The following EYS variants were observed in gnomAD, a reference collection of about 807,000 sequenced individuals.
EYS encodes the protein protein eyes shut homolog.
A neutral mutation model predicts 282.1 loss-of-function variants in EYS; 250 were observed. The ratio of observed to expected loss-of-function variants is 0.89; its 90% CI spans 0.80 to 0.98. The LOEUF (loss-of-function observed/expected upper bound fraction) is 0.98, where lower values mean the gene tolerates loss of function less well. Ranked by LOEUF, EYS falls within the 50% of genes least tolerant of loss-of-function variation. The pLI, the probability that EYS is intolerant of heterozygous loss-of-function variation, is 0.00. For synonymous variants in EYS, 1,355 were observed against 1,282.9 expected (o/e 1.06, Z -1.20); for missense variants, 4,016 against 3,709.0 (o/e 1.08, Z -2.15).
chr6:63,844,902 G>T (rs879268844), intron 36 of EYS, among the ~76,000 whole-genome samples: 36 of 152,028 alleles, frequency 2.4e-4, no homozygotes, highest in Non-Finnish European at 4.7e-4. Context: ...TGTTGCAATT[G>T]CTTTTGATGT....
chr6:65,456,192 C>A (rs1034593381), intron 5 of EYS, among the ~76,000 whole-genome samples: 1 of 152,066 alleles, frequency 6.6e-6, no homozygotes, highest in African/African-American at 2.4e-5. Context: ...GTAGCTCACA[C>A]CCGTAACCCT....
intron 31 of EYS, among the ~76,000 whole-genome samples, chr6:64,222,757 G>GA (rs913085965): frequency 2.3e-4 from 35 of 151,892 alleles, no homozygotes; most frequent in African/African-American, 7.0e-4. Flanking sequence ...TGCAGTATCA[G>GA]AAAAAATAGC....
At chr6:65,465,436 C>T (rs1448208637) in intron 5 of EYS, among the ~76,000 whole-genome samples, 2 of 151,878 alleles carry the variant, frequency 1.3e-5, no homozygotes, top group Non-Finnish European at 2.9e-5. Context: ...ACGATTGTGC[C>T]GCTGTATTCC....
At chr6:64,550,309 C>G (rs984385903) in intron 26 of EYS, among the ~76,000 whole-genome samples, 1 of 152,142 alleles carries the variant, frequency 6.6e-6, no homozygotes, top group Non-Finnish European at 1.5e-5. Flanking sequence ...GAGGAATCGC[C>G]ACTCTGACTT....
chr6:64,718,030 C>G (rs1441138930), intron 22 of EYS, among the ~76,000 whole-genome samples: 1 of 152,188 alleles, frequency 6.6e-6, no homozygotes, highest in Non-Finnish European at 1.5e-5. Flanking sequence ...CTGCTCTGAG[C>G]TGTTCTGCCT....
At chr6:64,600,991 G>A (rs1402703091) in intron 24 of EYS, among the ~76,000 whole-genome samples, 3 of 151,960 alleles carry the variant, frequency 2.0e-5, no homozygotes, top group Admixed American at 6.6e-5. Flanking sequence ...TAAATACAAA[G>A]CACAGTTTTT....
intron 7 of EYS, among the ~76,000 whole-genome samples, chr6:65,388,167 A>G (rs1353509726): frequency 6.6e-6 from 1 of 152,008 alleles, no homozygotes; most frequent in African/African-American, 2.4e-5. Flanking sequence ...TTCAGATGTA[A>G]AAGTGATTTA....
chr6:65,665,369 T>G (rs370061500), intron 1 of EYS, among the ~76,000 whole-genome samples: 1 of 152,128 alleles, frequency 6.6e-6, no homozygotes, highest in African/African-American at 2.4e-5. Context: ...GCTAAAGGCC[T>G]GAGTTTCAAT....
rs971398517 is a variant in EYS, at chr6:64,562,347, A to G, written c.5644+27876T>C. On this transcript the variant is annotated intron_variant, in intron 26 of 42. Coordinates refer to ENST00000503581, the MANE Select transcript of EYS (RefSeq NM_001142800.2). ...ATTTTGTTCAATCTACTTAGTAAAA[A>G]TGTTCATATCTTTAATTCAGTGGAA... Among the ~76,000 whole-genome samples the G allele has an allele frequency of 2.0e-5, 3 of 151,948 alleles. No individual in the cohort carries two copies. In the East Asian group the frequency reaches 5.8e-4, roughly 29 times the overall value.
At chr6:65,691,905 T>C (rs1421924919) in intron 1 of EYS, among the ~76,000 whole-genome samples, 1 of 150,240 alleles carries the variant, frequency 6.7e-6, no homozygotes, top group African/African-American at 2.4e-5. Flanking sequence ...TGTGTGGTGT[T>C]TCTGAGGCCT....
At chr6:65,136,547 A>G (rs1776026668) in intron 12 of EYS, among the ~76,000 whole-genome samples, 1 of 152,118 alleles carries the variant, frequency 6.6e-6, no homozygotes, top group Admixed American at 6.6e-5. Context: ...TAGGTGATAG[A>G]CTATTTACTA....
rs1203358924 is a variant in EYS, at chr6:63,721,485, C to T, written c.8546G>A (p.Arg2849Gln). 16 of 1,551,300 alleles carry T rather than the reference C, an allele frequency of 1.0e-5. No individual in the cohort carries two copies. Among genetic ancestry groups the T allele is most frequent in the Admixed American group, 5.9e-5 (3 of 50,944 alleles). ...TTCTTGATTATTTATGATAACTTGT[C>T]GGATACAGCCTTGAAAACCTACAGG... ...NEPVGFQGCI[R>Q]QVIINNQELQ... The change falls in exon 43 of 43, where the codon CGA becomes CAA. Residue 2849 changes from arginine (R) to glutamine (Q), a missense_variant. Transcript: ENST00000503581.
intron 2 of EYS, among the ~76,000 whole-genome samples, chr6:65,517,336 AAC>A (rs199525202): frequency 0.055 from 5,020 of 92,080 alleles, 214 homozygotes; most frequent in East Asian, 0.19. Context: ...TTTTCAAAAC[AAC>A]AACAAAAAAA....
At chr6:64,108,239 T>G (rs942809124) in intron 31 of EYS, among the ~76,000 whole-genome samples, 5 of 152,108 alleles carry the variant, frequency 3.3e-5, no homozygotes, top group African/African-American at 1.2e-4. Context: ...ACACCCAGCT[T>G]CCAGCAACTT....
chr6:65,258,565 C>T (rs180814788), intron 12 of EYS, among the ~76,000 whole-genome samples: 22 of 152,090 alleles, frequency 1.4e-4, no homozygotes, highest in Non-Finnish European at 1.8e-4. Context: ...GCTATGTAAT[C>T]CAACCAACAA....
intron 33 of EYS, among the ~76,000 whole-genome samples, chr6:64,037,406 A>G (rs1407549571): frequency 2.0e-5 from 3 of 152,226 alleles, no homozygotes; most frequent in Non-Finnish European, 4.4e-5. Context: ...TTTCATGAAT[A>G]TTAATAGAAA....
rs1765136824 is a variant in EYS, at chr6:65,371,485, G to T, written c.1299+12901C>A. On this transcript the variant is annotated intron_variant, in intron 8 of 42. Transcript: ENST00000503581. ...ACCTACACAGAATGAAGAAACTGATGAATAATAAATGTGGGTGAAAATTTG... is the reference window on the plus strand; with the variant it reads ...ACCTACACAGAATGAAGAAACTGATTAATAATAAATGTGGGTGAAAATTTG... Among the ~76,000 whole-genome samples the T allele has an allele frequency of 2.7e-5, 4 of 149,840 alleles. No homozygotes were observed. In the South Asian group the frequency reaches 8.3e-4, roughly 31 times the overall value.
At chr6:63,772,320 T>C (rs573471652) in intron 40 of EYS, among the ~76,000 whole-genome samples, 3 of 152,260 alleles carry the variant, frequency 2.0e-5, no homozygotes, top group African/African-American at 7.2e-5. Flanking sequence ...CATACATTAA[T>C]TCCAGTTCAT....
chr6:65,438,306 G>T (rs1327355315), intron 5 of EYS, among the ~76,000 whole-genome samples: 1 of 151,922 alleles, frequency 6.6e-6, no homozygotes, highest in Admixed American at 6.6e-5. Context: ...GAATAGTGCT[G>T]CAATAAACAT....
Sources: gnomAD v4.1 joint callset for allele counts (sites outside exome capture counted in the v4.1 genomes callset) on GRCh38, gnomAD v4.1.1 for gene constraint, MANE v1.5 for transcripts, NCBI Gene and HGNC (gene_info 2026-07-23, HGNC 2026-07-21) for gene names.